RARA: variants seen among roughly 807,000 people sequenced by gnomAD.
The protein encoded by RARA is retinoic acid receptor alpha.
A neutral mutation model predicts 42.8 loss-of-function variants in RARA; 5 were observed. The observed-to-expected ratio is 0.12, with a 90% CI of 0.06 to 0.25. The LOEUF (loss-of-function observed/expected upper bound fraction) is 0.25, where lower values mean the gene tolerates loss of function less well. RARA is among the 10% of genes least tolerant of loss of function. The pLI is 1.00. For synonymous variants in RARA, 256 were observed against 259.5 expected, an observed-to-expected ratio of 0.99 and a Z score of 0.13; for missense variants, 402 against 628.7, an observed-to-expected ratio of 0.64 and a Z score of 3.86.
In RARA at chr17:40,351,902, C is replaced by T; in HGVS notation, c.470-8C>T. 1.2e-6 allele frequency: 2 copies of T among 1,610,694 alleles called. No homozygotes were observed. Among genetic ancestry groups the T allele is most frequent in the Non-Finnish European group, 1.7e-6 (2 of 1,179,102 alleles). On this transcript the variant is annotated splice_polypyrimidine_tract_variant and splice_region_variant and intron_variant, in intron 4 of 8. Coordinates refer to ENST00000254066, the MANE Select transcript of RARA (RefSeq NM_000964.4). This position sits in a 1 kb window ranked among gnomAD's most constrained non-coding sequence, Gnocchi z 4.1. ...AGCTGCCCTCTTAACCCCCTCTGCC[C>T]TCCACAGCTGTGAGAAACGACCGAA...
chr17:40,338,235 T>C (rs2033916122), intron 2 of RARA, among the ~76,000 whole-genome samples: 1 of 151,994 alleles, frequency 6.6e-6, no homozygotes, highest in South Asian at 2.1e-4. Flanking sequence ...TTTGAGGGAG[T>C]AGTGTCTGTG....
At position 40,354,674 on chromosome 17, in the gene RARA, G is replaced by A. The variant is rs1006398112; in HGVS notation, c.1012+168G>A. 6.6e-6 allele frequency among the ~76,000 whole-genome samples: 1 copy of A among 152,162 alleles called. No homozygotes were observed. Among genetic ancestry groups the A allele is most frequent in the Non-Finnish European group, 1.5e-5 (1 of 68,014 alleles). The stretch of plus-strand genomic sequence containing the variant: ...ATGTGGGGCCTGGACTCCTGTTCCC[G>A]ATTTCTGGGCAACACCCCTTCTAGG... On this transcript the variant is annotated intron_variant, in intron 7 of 8. Coordinates refer to ENST00000254066, the MANE Select transcript of RARA (RefSeq NM_000964.4). This position sits in a 1 kb window ranked among gnomAD's most constrained non-coding sequence, Gnocchi z 4.5.
rs117069037 is a variant in RARA at position 40,330,660 on chromosome 17, G to A, written c.-362-197G>A. Among the ~76,000 whole-genome samples, 2,719 of 152,256 alleles carry A rather than the reference G, an allele frequency of 0.018. 38 individuals are homozygous for A. The highest frequency in any genetic ancestry group is 0.044 in the Middle Eastern group (13 of 294). On this transcript the variant is annotated intron_variant, in intron 1 of 8. Coordinates refer to ENST00000254066, the MANE Select transcript of RARA (RefSeq NM_000964.4). ...GGCTCTGTCCCTGTCTCCCCAGCCTGGCTGTGCTATCTGCCACCCCCAGCA... is the reference window on the plus strand; with the variant it reads ...GGCTCTGTCCCTGTCTCCCCAGCCTAGCTGTGCTATCTGCCACCCCCAGCA...
chr17:40,339,667 G>T (rs927855258), intron 2 of RARA, among the ~76,000 whole-genome samples: 1 of 152,074 alleles, frequency 6.6e-6, no homozygotes, highest in African/African-American at 2.4e-5. Flanking sequence ...GCCACACTCT[G>T]CCTCCCTACT....
Position 40,355,213 on chromosome 17 carries a change from G to C in RARA, c.1013-50G>C, listed in dbSNP as rs2034579034. The C allele has an allele frequency of 6.6e-7, 1 of 1,515,060 alleles. No homozygotes were observed. Among genetic ancestry groups the C allele is most frequent in the Non-Finnish European group, 8.9e-7 (1 of 1,124,898 alleles). 93.9% of individuals were successfully genotyped at this position (1,515,060 alleles called of 1,614,324 possible). On this transcript the variant is annotated intron_variant, in intron 7 of 8. Coordinates refer to ENST00000254066, the MANE Select transcript of RARA (RefSeq NM_000964.4). The surrounding 1 kb of genome is among the most constrained non-coding windows in gnomAD (Gnocchi z 4.1). ...GCACGCCCCCCGGTGGCCGAGGCTGGGGGTGCAGCTGTGTTCCCAGCTGCT... is the reference window on the plus strand; with the variant it reads ...GCACGCCCCCCGGTGGCCGAGGCTGCGGGTGCAGCTGTGTTCCCAGCTGCT...
At chr17:40,325,961 C>G (rs2033534148) in intron 1 of RARA, among the ~76,000 whole-genome samples, 2 of 152,216 alleles carry the variant, frequency 1.3e-5, no homozygotes, top group African/African-American at 4.8e-5. Flanking sequence ...TTCCCCTTCT[C>G]CCCTCCCTAA....
At chr17:40,330,683 G>A (rs1036745227) in intron 1 of RARA, among the ~76,000 whole-genome samples, 174 bp from the exon 2 acceptor site, 1 of 152,166 alleles carries the variant, frequency 6.6e-6, no homozygotes, top group Admixed American at 6.5e-5. Flanking sequence ...GCCACCCCCA[G>A]CAGTGTCTGG....
intron 1 of RARA, among the ~76,000 whole-genome samples, chr17:40,324,005 C>T (rs185029940): frequency 2.4e-4 from 36 of 152,174 alleles, no homozygotes; most frequent in African/African-American, 8.7e-4. Context: ...CAGCCTATCT[C>T]CCCACCCTGG....
chr17:40,312,061 G>A (rs1432326008), intron 1 of RARA, among the ~76,000 whole-genome samples: 1 of 152,202 alleles, frequency 6.6e-6, no homozygotes, highest in Non-Finnish European at 1.5e-5. Context: ...AATTGAGGCT[G>A]GGGCACTATT....
Position 40,356,338 on chromosome 17 carries a change from T to C in RARA, c.*112T>C, listed in dbSNP as rs1335382530. The C allele has an allele frequency of 1.7e-6, 2 of 1,196,162 alleles. No individual in the cohort carries two copies. The highest frequency in any genetic ancestry group is 2.6e-5 in the South Asian group (2 of 77,188). 74.1% of individuals were successfully genotyped at this position (1,196,162 alleles called of 1,614,324 possible). A position where few individuals can be genotyped will look rare whatever the true frequency, so the allele number is the denominator to read the frequency against. On this transcript the variant is annotated 3_prime_UTR_variant, in exon 9 of 9. Transcript: ENST00000254066. ...TGCCCCCACCTGCCCTCCCGGGCAG[T>C]ACTGGGGACCTTCCCTGGGGGACGG...
Position 40,352,304 on chromosome 17 carries a change from A to T in RARA, c.631-27A>T. 6.4e-7 allele frequency: 1 copy of T among 1,570,330 alleles called. No individual in the cohort carries two copies. Among genetic ancestry groups the T allele is most frequent in the Non-Finnish European group, 8.7e-7 (1 of 1,154,448 alleles). On this transcript the variant is annotated intron_variant, in intron 5 of 8. Transcript: ENST00000254066. This position sits in a 1 kb window ranked among gnomAD's most constrained non-coding sequence, Gnocchi z 4.9. ...CTGAGAAGGGGTGCCATGGAGAAGA[A>T]GGCCCTCACTCTCCCTCCTCCCCCA...
In RARA at chr17:40,356,475, C is replaced by T. The variant is rs1342647334; in HGVS notation, c.*249C>T. 1.4e-6 allele frequency: 1 copy of T among 693,524 alleles called. No individual in the cohort carries two copies. Among genetic ancestry groups the T allele is most frequent in the African/African-American group, 1.8e-5 (1 of 57,140 alleles). The allele number at this position is 693,524 out of a possible 1,614,324, so 43.0% of individuals were successfully genotyped here. On this transcript the variant is annotated 3_prime_UTR_variant, in exon 9 of 9. Coordinates refer to ENST00000254066, the MANE Select transcript of RARA (RefSeq NM_000964.4). Reference sequence around the variant, plus strand: ...CGAGGCCAGGAACTGAGTGAGGCCCCTGGTCCTGGGTCTCAGGATGGGTCC... The same window carrying T: ...CGAGGCCAGGAACTGAGTGAGGCCCTTGGTCCTGGGTCTCAGGATGGGTCC...
chr17:40,317,951 C>T (rs1364566522), intron 1 of RARA, among the ~76,000 whole-genome samples: 2 of 152,122 alleles, frequency 1.3e-5, no homozygotes, highest in African/African-American at 4.8e-5. Context: ...CCACACGCTG[C>T]GGTCTTCTCC....
At chr17:40,341,552 G>A (rs2143377989) in intron 2 of RARA, 3 of 1,402,646 alleles carry the variant, frequency 2.1e-6, no homozygotes, top group East Asian at 6.1e-5. Context: ...CGGTTCGGCC[G>A]GGCAGGGGGC....
chr17:40,342,291 C>T (rs1235270513), intron 2 of RARA: 1 of 1,063,926 alleles, frequency 9.4e-7, no homozygotes, highest in Non-Finnish European at 1.1e-6. Flanking sequence ...CCCGGATCCC[C>T]GGCTGGGAGG....
intron 1 of RARA, among the ~76,000 whole-genome samples, chr17:40,321,251 T>C (rs2033367836): frequency 6.6e-6 from 1 of 151,808 alleles, no homozygotes; most frequent in African/African-American, 2.4e-5. Flanking sequence ...GGTGTGTCTG[T>C]CCCCAGTCTG....
At chr17:40,333,900 G>A (rs572266344) in intron 2 of RARA, among the ~76,000 whole-genome samples, 56 of 152,350 alleles carry the variant, frequency 3.7e-4, no homozygotes, top group African/African-American at 1.3e-3. Context: ...GCCTCCCAAA[G>A]TGCTGGAGAT....
chr17:40,355,856 G>T lies in RARA; in HGVS notation c.1172-153G>T, dbSNP rs2034605617. 1.3e-5 allele frequency among the ~76,000 whole-genome samples: 2 copies of T among 152,230 alleles called. No individual in the cohort carries two copies. Among genetic ancestry groups the T allele is most frequent in the Non-Finnish European group, 1.5e-5 (1 of 68,042 alleles). Reference sequence around the variant, plus strand: ...TTGCCACCAGCCTCTGGACCTGGGGGCTTAAGAGAGCTGGCTCGTGTCAAA... The same window carrying T: ...TTGCCACCAGCCTCTGGACCTGGGGTCTTAAGAGAGCTGGCTCGTGTCAAA... On this transcript the variant is annotated intron_variant, in intron 8 of 8. Transcript: ENST00000254066. This position sits in a 1 kb window ranked among gnomAD's most constrained non-coding sequence, Gnocchi z 4.1.
At chr17:40,328,140 AG>A (rs1357166060) in intron 1 of RARA, among the ~76,000 whole-genome samples, 3 of 152,018 alleles carry the variant, frequency 2.0e-5, no homozygotes, top group Non-Finnish European at 4.4e-5. Context: ...AGTTCCACAC[AG>A]GCTGGCTGGC....
Sources: allele counts gnomAD v4.1 joint callset (sites outside exome capture counted in the v4.1 genomes callset), GRCh38; gene constraint gnomAD v4.1.1; non-coding constraint Gnocchi (gnomAD v3.1); transcripts MANE v1.5; gene names NCBI Gene and HGNC (gene_info 2026-07-23, HGNC 2026-07-21).